The following PRKD1 variants were observed in gnomAD, a reference collection of about 807,000 sequenced individuals.
The protein encoded by PRKD1 is serine/threonine-protein kinase D1.
PRKD1 carries 63 observed loss-of-function variants against 95.9 expected under a neutral mutation model. The observed-to-expected ratio is 0.66, with a 90% confidence interval of 0.54 to 0.81. The LOEUF (loss-of-function observed/expected upper bound fraction) is 0.81. Ranked by LOEUF, PRKD1 falls within the 30% of genes least tolerant of loss-of-function variation. The pLI, the probability that PRKD1 is intolerant of heterozygous loss-of-function variation, is 0.00. For missense variants in PRKD1, 1,048 were observed against 1,165.3 expected (o/e 0.90, Z 1.47); for synonymous variants, 425 against 423.1 (o/e 1.00, Z -0.05).
chr14:29,662,177 T>C (rs184118290), intron 4 of PRKD1, among the ~76,000 whole-genome samples: 309 of 152,272 alleles, frequency 2.0e-3, no homozygotes, highest in African/African-American at 7.0e-3. Flanking sequence ...TTTATATACA[T>C]ATATGCATAA....
chr14:29,609,299 C>T (rs1878251666), intron 13 of PRKD1, among the ~76,000 whole-genome samples: 1 of 152,112 alleles, frequency 6.6e-6, no homozygotes, highest in Non-Finnish European at 1.5e-5. Context: ...ATTGTGCCCT[C>T]ATATCAAGAA....
chr14:29,734,457 A>G (rs923222864), intron 1 of PRKD1, among the ~76,000 whole-genome samples: 1 of 152,048 alleles, frequency 6.6e-6, no homozygotes, highest in Non-Finnish European at 1.5e-5. Flanking sequence ...ACATTAAGTT[A>G]ATTGCAGATC....
At chr14:29,917,328 T>C (rs1218839740) in intron 1 of PRKD1, among the ~76,000 whole-genome samples, 1 of 152,226 alleles carries the variant, frequency 6.6e-6, no homozygotes, top group Non-Finnish European at 1.5e-5. Context: ...ACTGACAGTT[T>C]AAAAACTTTT....
At chr14:29,588,326 T>C (rs986403048) in intron 16 of PRKD1, among the ~76,000 whole-genome samples, 1 of 152,198 alleles carries the variant, frequency 6.6e-6, no homozygotes, top group Non-Finnish European at 1.5e-5. Flanking sequence ...TTTGAAAACA[T>C]ACCATGTGGT....
At chr14:29,773,421 A>G (rs1190848959) in intron 1 of PRKD1, among the ~76,000 whole-genome samples, 2 of 149,988 alleles carry the variant, frequency 1.3e-5, no homozygotes, top group Admixed American at 1.3e-4. Context: ...GATTGTGCCA[A>G]TGCACTCCAG....
At chr14:29,728,514 A>C (rs1322917297) in intron 1 of PRKD1, among the ~76,000 whole-genome samples, 2 of 152,220 alleles carry the variant, frequency 1.3e-5, no homozygotes, top group Non-Finnish European at 2.9e-5. Flanking sequence ...CATGTAAATG[A>C]AATCATAAAA....
At chr14:29,604,568 G>T (rs962694082) in intron 13 of PRKD1, among the ~76,000 whole-genome samples, 2 of 152,180 alleles carry the variant, frequency 1.3e-5, no homozygotes, top group Non-Finnish European at 2.9e-5. Context: ...ATGAGGTACA[G>T]TACTGCAGCA....
chr14:29,608,165 C>CA (rs1248863273), intron 13 of PRKD1, among the ~76,000 whole-genome samples: 2 of 152,036 alleles, frequency 1.3e-5, no homozygotes, highest in African/African-American at 4.8e-5. Context: ...TCACACCTTG[C>CA]TTTTTTTCTT....
At chr14:29,779,013 A>G (rs1212573481) in intron 1 of PRKD1, among the ~76,000 whole-genome samples, 1 of 152,258 alleles carries the variant, frequency 6.6e-6, no homozygotes, top group Non-Finnish European at 1.5e-5. Flanking sequence ...AATCCAGCAT[A>G]TAAACAGAAC....
At chr14:29,705,219 AGCTTCTT>A (rs1292777901) in intron 2 of PRKD1, among the ~76,000 whole-genome samples, 9 of 152,132 alleles carry the variant, frequency 5.9e-5, no homozygotes, top group Non-Finnish European at 1.2e-4. Flanking sequence ...AATGTATTTG[AGCTTCTT>A]GACATTTTTA....
intron 2 of PRKD1, among the ~76,000 whole-genome samples, chr14:29,691,139 G>T (rs1452285635): frequency 6.6e-6 from 1 of 152,164 alleles, no homozygotes; most frequent in Non-Finnish European, 1.5e-5. Context: ...TGCAGGGCGA[G>T]AAAGAGCCCA....
chr14:29,759,243 C>T (rs767229699), intron 1 of PRKD1, among the ~76,000 whole-genome samples: 7 of 149,032 alleles, frequency 4.7e-5, no homozygotes, highest in Non-Finnish European at 7.4e-5. Flanking sequence ...ATTATTAGGA[C>T]GCAAAAAAAA....
chr14:29,651,756 T>C (rs1191596), intron 4 of PRKD1, among the ~76,000 whole-genome samples: 4,743 of 152,208 alleles, frequency 0.031, 106 homozygotes, highest in Non-Finnish European at 0.047. Flanking sequence ...TATGTATTTA[T>C]TTTTGAGACC....
chr14:29,638,433 C>A, intron 6 of PRKD1, 56 bp downstream of exon 6: 1 of 1,587,586 alleles, frequency 6.3e-7, no homozygotes, highest in Middle Eastern at 1.7e-4. Flanking sequence ...AAAATTACAT[C>A]ACCACACTCT....
intron 1 of PRKD1, among the ~76,000 whole-genome samples, chr14:29,773,142 G>A (rs758806056): frequency 1.4e-4 from 22 of 152,020 alleles, no homozygotes; most frequent in Non-Finnish European, 2.5e-4. Context: ...TTTAGACAAC[G>A]CTTTTATACA....
At chr14:29,826,714 TATATATAC>T (rs1891159079) in intron 1 of PRKD1, among the ~76,000 whole-genome samples, 1 of 83,398 alleles carries the variant, frequency 1.2e-5, no homozygotes, top group Non-Finnish European at 2.3e-5. Flanking sequence ...TATACACATA[TATATATAC>T]ATATATATAC....
At chr14:29,682,633 C>G (rs1442342732) in intron 2 of PRKD1, among the ~76,000 whole-genome samples, 1 of 152,038 alleles carries the variant, frequency 6.6e-6, no homozygotes, top group Non-Finnish European at 1.5e-5. Flanking sequence ...TAGGAAGCAG[C>G]AGGGAAACGA....
intron 17 of PRKD1, among the ~76,000 whole-genome samples, chr14:29,577,814 G>C (rs1386051880): frequency 6.6e-6 from 1 of 152,052 alleles, no homozygotes; most frequent in Non-Finnish European, 1.5e-5. Context: ...AAATAATAAA[G>C]CACATCCATA....
At chr14:29,821,201 A>C (rs1349967553) in intron 1 of PRKD1, among the ~76,000 whole-genome samples, 2 of 152,222 alleles carry the variant, frequency 1.3e-5, no homozygotes, top group Non-Finnish European at 2.9e-5. Flanking sequence ...ATAATTAAAT[A>C]CATGACTGTG....
Sources: allele counts gnomAD v4.1 joint callset (sites outside exome capture counted in the v4.1 genomes callset), GRCh38; gene constraint gnomAD v4.1.1; transcripts MANE v1.5; gene names NCBI Gene and HGNC (gene_info 2026-07-23, HGNC 2026-07-21).